Variants in SUGCT observed in about 807,000 individuals in gnomAD.
The protein encoded by SUGCT is succinyl-CoA:glutarate-CoA transferase.
Under a neutral mutation model 55.0 loss-of-function variants are expected in SUGCT, and 41 were observed. The observed-to-expected ratio is 0.74, with a 90% CI of 0.58 to 0.97. The LOEUF is 0.97. Ranked by LOEUF, SUGCT falls within the 50% of genes least tolerant of loss-of-function variation. SUGCT has a pLI of 0.00. For synonymous variants in SUGCT, 187 were observed against 200.4 expected (o/e 0.93, Z 0.56); for missense variants, 568 against 547.8 (o/e 1.04, Z -0.37).
At chr7:40,215,687 C>T (rs1211085070) in intron 6 of SUGCT, among the ~76,000 whole-genome samples, 1 of 151,894 alleles carries the variant, frequency 6.6e-6, no homozygotes, top group African/African-American at 2.4e-5. Flanking sequence ...ACGGTGAAAC[C>T]CCGTCGCTAC....
At chr7:40,149,808 G>C (rs1788455468) in intron 1 of SUGCT, among the ~76,000 whole-genome samples, 2 of 152,120 alleles carry the variant, frequency 1.3e-5, no homozygotes, top group Admixed American at 1.3e-4. Flanking sequence ...AATCCCAGCT[G>C]TTCAGGAGGC....
At chr7:40,637,567 A>G (rs1418145625) in intron 12 of SUGCT, among the ~76,000 whole-genome samples, 1 of 152,210 alleles carries the variant, frequency 6.6e-6, no homozygotes, top group Non-Finnish European at 1.5e-5. Context: ...TCAGCAAACT[A>G]CTAGAACACA....
chr7:41,029,151 C>T, the SUGCT span, among the ~76,000 whole-genome samples: 17 of 152,236 alleles, frequency 1.1e-4, no homozygotes, highest in East Asian at 2.5e-3. Context: ...AGCAAGCCAG[C>T]CTACATGCAG....
the SUGCT span, among the ~76,000 whole-genome samples, chr7:40,902,108 CA>C: frequency 0.02 from 2,973 of 152,218 alleles, 89 homozygotes; most frequent in African/African-American, 0.067. Flanking sequence ...AGTGGTTCTG[CA>C]AAGAAATAAG....
At chr7:40,970,093 G>A in the SUGCT span, among the ~76,000 whole-genome samples, 1 of 152,176 alleles carries the variant, frequency 6.6e-6, no homozygotes, top group Non-Finnish European at 1.5e-5. Context: ...AGTCCATCGC[G>A]AGGAGGCTTT....
At chr7:40,407,071 A>G (rs569672585) in intron 9 of SUGCT, among the ~76,000 whole-genome samples, 2 of 152,188 alleles carry the variant, frequency 1.3e-5, no homozygotes, top group African/African-American at 4.8e-5. Flanking sequence ...TAAAAAAAAG[A>G]ACAAAGAGCT....
Position 40,675,611 on chromosome 7 carries a change from T to C in SUGCT, c.1090-73823T>C, listed in dbSNP as rs528224319. Among the ~76,000 whole-genome samples, 67 of 152,230 alleles carry C rather than the reference T, an allele frequency of 4.4e-4. 1 individual carries two copies. The highest frequency in any genetic ancestry group is 3.5e-3 in the Admixed American group (53 of 15,292). On this transcript the variant is annotated intron_variant, in intron 12 of 13. Coordinates refer to ENST00000335693, the MANE Select transcript of SUGCT (RefSeq NM_001193313.2). ...AGCTACAGCTGGGGGTCAGAAGTGA[T>C]GTCTAAGATGAAGGAGGTATGGGAG... is the stretch of plus-strand genomic sequence containing the variant.
At chr7:40,437,725 A>G (rs1156260631) in intron 9 of SUGCT, among the ~76,000 whole-genome samples, 3 of 152,204 alleles carry the variant, frequency 2.0e-5, no homozygotes, top group African/African-American at 7.2e-5. Context: ...CCAGAAGTCA[A>G]TAACTGCTTG....
At chr7:40,396,270 GT>G (rs1785722258) in intron 9 of SUGCT, among the ~76,000 whole-genome samples, 1 of 152,078 alleles carries the variant, frequency 6.6e-6, no homozygotes, top group South Asian at 2.1e-4. Context: ...TTGAACCTTA[GT>G]TTTATCATCT....
At chr7:40,444,968 T>C (rs1788732818) in intron 9 of SUGCT, among the ~76,000 whole-genome samples, 2 of 152,202 alleles carry the variant, frequency 1.3e-5, no homozygotes, top group Admixed American at 1.3e-4. Context: ...CTTTTCTGCA[T>C]CTATGGAGGT....
intron 12 of SUGCT, among the ~76,000 whole-genome samples, chr7:40,649,604 A>C (rs1800678938): frequency 6.6e-6 from 1 of 152,150 alleles, no homozygotes; most frequent in Non-Finnish European, 1.5e-5. Context: ...TTATTTTGTT[A>C]TTAAAGATAG....
At chr7:40,473,283 C>T (rs555057003) in intron 11 of SUGCT, among the ~76,000 whole-genome samples, 1 of 152,282 alleles carries the variant, frequency 6.6e-6, no homozygotes, top group Admixed American at 6.5e-5. Flanking sequence ...CATGCACATG[C>T]AAAAGCTGTA....
chr7:40,787,800 C>T (rs1170697386), intron 13 of SUGCT, among the ~76,000 whole-genome samples: 3 of 151,264 alleles, frequency 2.0e-5, no homozygotes, highest in Admixed American at 1.3e-4. Flanking sequence ...CAGGAAAAAA[C>T]GGCAGCCCCA....
At chr7:40,478,627 A>C (rs1451319433) in intron 11 of SUGCT, among the ~76,000 whole-genome samples, 1 of 152,148 alleles carries the variant, frequency 6.6e-6, no homozygotes, top group Admixed American at 6.6e-5. Flanking sequence ...CACCACAATC[A>C]AGCTAATATA....
chr7:40,842,217 T>C (rs1020944356), intron 13 of SUGCT, among the ~76,000 whole-genome samples: 2 of 151,944 alleles, frequency 1.3e-5, no homozygotes, highest in South Asian at 4.1e-4. Context: ...AAGAGAAACA[T>C]GGGAAACAAA....
At chr7:40,711,238 G>A (rs1047398956) in intron 12 of SUGCT, among the ~76,000 whole-genome samples, 1 of 152,228 alleles carries the variant, frequency 6.6e-6, no homozygotes, top group Non-Finnish European at 1.5e-5. Flanking sequence ...GAGGCTGGGC[G>A]CGGTGGCCCA....
chr7:40,719,402 GTCTCCC>G (rs1477415730), intron 12 of SUGCT, among the ~76,000 whole-genome samples: 2 of 152,090 alleles, frequency 1.3e-5, no homozygotes, highest in Non-Finnish European at 2.9e-5. Context: ...CCTGACCATG[GTCTCCC>G]TCAGGGACTT....
the SUGCT span, among the ~76,000 whole-genome samples, chr7:40,941,049 T>A: frequency 1.3e-5 from 2 of 152,158 alleles, no homozygotes; most frequent in Non-Finnish European, 2.9e-5. Flanking sequence ...ATGTTCTTTC[T>A]ATGCTTATTT....
At chr7:40,417,731 TATTA>T (rs1409812050) in intron 9 of SUGCT, among the ~76,000 whole-genome samples, 149 of 151,902 alleles carry the variant, frequency 9.8e-4, no homozygotes, top group African/African-American at 3.2e-3. Context: ...TTATTCATGC[TATTA>T]ATTATATTAT....
Sources: allele counts gnomAD v4.1 joint callset (sites outside exome capture counted in the v4.1 genomes callset), GRCh38; gene constraint gnomAD v4.1.1; transcripts MANE v1.5; gene names NCBI Gene and HGNC (gene_info 2026-07-23, HGNC 2026-07-21).